RABGAP1L: variants seen among roughly 807,000 people sequenced by gnomAD.
RABGAP1L encodes the protein rab GTPase-activating protein 1-like.
In RABGAP1L, 63 loss-of-function variants were observed where a neutral mutation model predicts 137.7. That is an observed-to-expected ratio of 0.46 (90% CI 0.37 to 0.56). The LOEUF (loss-of-function observed/expected upper bound fraction) is 0.56, where lower values mean the gene tolerates loss of function less well. Among genes scored for constraint, RABGAP1L ranks in the 20% least tolerant of loss-of-function variants. The probability of loss-of-function intolerance (pLI) is 0.00; values close to 1 mark genes in which losing one functional copy is unlikely to be tolerated. For missense variants in RABGAP1L, 1,095 were observed against 1,244.0 expected, an observed-to-expected ratio of 0.88 and a Z score of 1.80; for synonymous variants, 431 against 433.7, an observed-to-expected ratio of 0.99 and a Z score of 0.08.
intron 11 of RABGAP1L, among the ~76,000 whole-genome samples, chr1:174,327,943 T>G (rs1680582495): frequency 7.6e-6 from 1 of 131,166 alleles, no homozygotes. Flanking sequence ...AGCAAAAGGA[T>G]ATAACAGTTG....
intron 19 of RABGAP1L, among the ~76,000 whole-genome samples, chr1:174,857,512 CTTATAT>C (rs1198248782): frequency 6.6e-6 from 1 of 152,074 alleles, no homozygotes; most frequent in African/African-American, 2.4e-5. Flanking sequence ...GTCATTGTAT[CTTATAT>C]TTATGAGTAA....
intron 15 of RABGAP1L, among the ~76,000 whole-genome samples, chr1:174,692,255 G>C (rs1020092926): frequency 5.3e-5 from 8 of 152,042 alleles, no homozygotes; most frequent in Non-Finnish European, 1.2e-4. Context: ...GTTGTGGAGC[G>C]GGGGGTACAA....
intron 13 of RABGAP1L, among the ~76,000 whole-genome samples, chr1:174,506,449 C>T (rs945278600): frequency 2.6e-5 from 4 of 152,052 alleles, no homozygotes; most frequent in African/African-American, 9.7e-5. Context: ...CAGGAAATGG[C>T]AGTACGTCAT....
intron 13 of RABGAP1L, among the ~76,000 whole-genome samples, chr1:174,431,294 A>G (rs1490603956): frequency 1.3e-5 from 2 of 152,176 alleles, no homozygotes; most frequent in Non-Finnish European, 2.9e-5. Context: ...ATGGGATTTC[A>G]TTGATATAAA....
At chr1:174,726,038 T>G (rs1217716659) in intron 17 of RABGAP1L, among the ~76,000 whole-genome samples, 1 of 152,126 alleles carries the variant, frequency 6.6e-6, no homozygotes, top group Non-Finnish European at 1.5e-5. Flanking sequence ...GCAGTGAGTT[T>G]GAGTGACACA....
chr1:174,697,585 C>T (rs1557994308), intron 15 of RABGAP1L, among the ~76,000 whole-genome samples: 1 of 152,198 alleles, frequency 6.6e-6, no homozygotes, highest in African/African-American at 2.4e-5. Flanking sequence ...TCCCAAAGTG[C>T]TGGGATTACA....
At position 174,930,996 on chromosome 1, in the gene RABGAP1L, C is replaced by A. The variant is rs148056156; in HGVS notation, c.2341-26461C>A. On this transcript the variant is annotated intron_variant, in intron 19 of 25. Coordinates refer to ENST00000681986, the MANE Select transcript of RABGAP1L (RefSeq NM_001366446.1). ...AGTAGGGGATAGTTTGGCTTTTAACCCCAAATGTAGTGGGATTTTTTTTTG... is the reference window on the plus strand; with the variant it reads ...AGTAGGGGATAGTTTGGCTTTTAACACCAAATGTAGTGGGATTTTTTTTTG... Among the ~76,000 whole-genome samples the A allele has an allele frequency of 2.2e-4, 34 of 152,172 alleles. No individual in the cohort carries two copies. The East Asian group carries it at 6.2e-3, about 28-fold the overall frequency.
intron 13 of RABGAP1L, among the ~76,000 whole-genome samples, chr1:174,422,020 C>G (rs1651371726): frequency 6.6e-6 from 1 of 152,156 alleles, no homozygotes; most frequent in South Asian, 2.1e-4. Context: ...CTGCCTGCCT[C>G]AGCTTCTCAA....
intron 14 of RABGAP1L, among the ~76,000 whole-genome samples, chr1:174,648,156 T>C (rs1179950084): frequency 6.6e-6 from 1 of 152,100 alleles, no homozygotes; most frequent in Non-Finnish European, 1.5e-5. Flanking sequence ...AAAAACCACC[T>C]CCTGGATTCA....
chr1:174,395,714 G>A (rs1025540298), intron 13 of RABGAP1L, among the ~76,000 whole-genome samples: 1 of 151,952 alleles, frequency 6.6e-6, no homozygotes, highest in Admixed American at 6.6e-5. Flanking sequence ...AGCTGGTGTG[G>A]TGGCATATGC....
chr1:174,663,920 G>C (rs1299774617), intron 14 of RABGAP1L, among the ~76,000 whole-genome samples: 1 of 151,998 alleles, frequency 6.6e-6, no homozygotes, highest in African/African-American at 2.4e-5. Flanking sequence ...ATGTTCCCTA[G>C]GTGCAGTGCT....
intron 13 of RABGAP1L, among the ~76,000 whole-genome samples, chr1:174,446,001 G>C (rs1247131774): frequency 6.6e-6 from 1 of 152,168 alleles, no homozygotes; most frequent in Non-Finnish European, 1.5e-5. Flanking sequence ...GACAGTTTCA[G>C]CTGCAGTAGC....
chr1:174,732,901 G>C (rs1192188158), intron 17 of RABGAP1L, among the ~76,000 whole-genome samples: 1 of 152,126 alleles, frequency 6.6e-6, no homozygotes, highest in Non-Finnish European at 1.5e-5. Context: ...TAAACTGTTT[G>C]GGGGACTTTA....
intron 19 of RABGAP1L, among the ~76,000 whole-genome samples, chr1:174,820,109 G>C (rs1355483193): frequency 6.6e-6 from 1 of 152,188 alleles, no homozygotes; most frequent in Non-Finnish European, 1.5e-5. Flanking sequence ...TATTGTTGTA[G>C]ACTATGAGTT....
At position 174,932,511 on chromosome 1, in the gene RABGAP1L, A is replaced by C. The variant is rs1664012429; in HGVS notation, c.2341-24946A>C. 3.3e-5 allele frequency among the ~76,000 whole-genome samples: 5 copies of C among 152,254 alleles called. No individual in the cohort carries two copies. In the South Asian group the frequency reaches 1.0e-3, roughly 32 times the overall value. The stretch of plus-strand genomic sequence containing the variant: ...TTTTTCTCATCCCATTCATTCTATC[A>C]GATGGAGTATGATTTTAATTTGTCT... On this transcript the variant is annotated intron_variant, in intron 19 of 25. Transcript: ENST00000681986.
chr1:174,771,975 G>A (rs2148731411), intron 18 of RABGAP1L, among the ~76,000 whole-genome samples: 2 of 152,308 alleles, frequency 1.3e-5, no homozygotes, highest in Admixed American at 1.3e-4. Context: ...CGAGGCAGGT[G>A]GATCACGAGG....
intron 13 of RABGAP1L, among the ~76,000 whole-genome samples, chr1:174,463,291 A>G (rs1208300459): frequency 3.9e-5 from 6 of 152,118 alleles, no homozygotes; most frequent in Non-Finnish European, 8.8e-5. Context: ...GACTGGATTA[A>G]GAAAATGTGG....
chr1:174,819,828 T>G (rs1191291630), intron 19 of RABGAP1L, among the ~76,000 whole-genome samples: 1 of 151,740 alleles, frequency 6.6e-6, no homozygotes, highest in Non-Finnish European at 1.5e-5. Context: ...GAAAGGGAAA[T>G]ATATTAACAG....
Position 174,177,289 on chromosome 1 carries a change from G to A in RABGAP1L, c.-34+17632G>A, listed in dbSNP as rs140030384. Among the ~76,000 whole-genome samples the A allele has an allele frequency of 6.9e-4, 105 of 152,294 alleles. 1 individual carries two copies. The highest frequency in any genetic ancestry group is 3.4e-3 in the Middle Eastern group (1 of 294). ...CCGCATAAATGTCTTCTTTTGAGAA[G>A]TGTCTGTTCATATCCTTCGCCTACT... On this transcript the variant is annotated intron_variant, in intron 1 of 25. Coordinates refer to ENST00000681986, the MANE Select transcript of RABGAP1L (RefSeq NM_001366446.1).
Sources: gnomAD v4.1 joint callset for allele counts (sites outside exome capture counted in the v4.1 genomes callset) on GRCh38, gnomAD v4.1.1 for gene constraint, MANE v1.5 for transcripts, NCBI Gene and HGNC (gene_info 2026-07-23, HGNC 2026-07-21) for gene names.